The following BABAM2 variants were observed in gnomAD, a reference collection of about 807,000 sequenced individuals.
BABAM2 encodes BRISC and BRCA1-A complex member 2.
Under a neutral mutation model 54.7 loss-of-function variants are expected in BABAM2, and 31 were observed. That is an observed-to-expected ratio of 0.57 (90% CI 0.43 to 0.77). The LOEUF (loss-of-function observed/expected upper bound fraction) is 0.77, where lower values mean the gene tolerates loss of function less well. Ranked by LOEUF, BABAM2 falls within the 30% of genes least tolerant of loss-of-function variation. The probability of loss-of-function intolerance (pLI) is 0.00; values close to 1 mark genes in which losing one functional copy is unlikely to be tolerated. For synonymous variants in BABAM2, 167 were observed against 162.9 expected (o/e 1.03, Z -0.19); for missense variants, 364 against 455.8 (o/e 0.80, Z 1.83).
chr2:28,111,478 C>A (rs1385771572), intron 6 of BABAM2, among the ~76,000 whole-genome samples: 1 of 152,026 alleles, frequency 6.6e-6, no homozygotes, highest in South Asian at 2.1e-4. Context: ...TCTTTTTATG[C>A]AAATAGTTTT....
chr2:28,104,867 T>A (rs1251673253), intron 6 of BABAM2, among the ~76,000 whole-genome samples: 3 of 152,130 alleles, frequency 2.0e-5, no homozygotes, highest in African/African-American at 7.2e-5. Context: ...CCATAAAAAA[T>A]GATGAGTTCA....
intron 11 of BABAM2, among the ~76,000 whole-genome samples, chr2:28,331,642 G>A (rs1690967588): frequency 6.6e-6 from 1 of 152,124 alleles, no homozygotes; most frequent in Admixed American, 6.5e-5. Context: ...AATCAGAATG[G>A]CGATTATTAA....
rs1382495145 is a variant in BABAM2, at chr2:27,912,925, G to A, written c.129-16907G>A. On this transcript the variant is annotated intron_variant, in intron 2 of 11. Coordinates refer to ENST00000379624, the MANE Select transcript of BABAM2 (RefSeq NM_199191.3). ...TAGTAGAGATATCAAAAGAACACTTGGAAAGAAATAAATTAATGTTTGTTA... is the reference window on the plus strand; with the variant it reads ...TAGTAGAGATATCAAAAGAACACTTAGAAAGAAATAAATTAATGTTTGTTA... 2.0e-5 allele frequency among the ~76,000 whole-genome samples: 3 copies of A among 152,068 alleles called. No homozygotes were observed. In the East Asian group the frequency reaches 5.8e-4, roughly 29 times the overall value.
At chr2:28,115,408 C>T (rs1418701362) in intron 6 of BABAM2, among the ~76,000 whole-genome samples, 4 of 151,958 alleles carry the variant, frequency 2.6e-5, no homozygotes, top group Non-Finnish European at 4.4e-5. Context: ...GGGCGGATCA[C>T]GAGGTCAGGA....
intron 7 of BABAM2, among the ~76,000 whole-genome samples, chr2:28,234,429 G>A (rs1417195277): frequency 1.3e-5 from 2 of 151,974 alleles, no homozygotes; most frequent in African/African-American, 4.8e-5. Context: ...ATTTCGGAAT[G>A]ACACAATCCA....
chr2:28,214,342 C>T (rs1482160882), intron 7 of BABAM2, among the ~76,000 whole-genome samples: 1 of 152,044 alleles, frequency 6.6e-6, no homozygotes, highest in South Asian at 2.1e-4. Context: ...TTTTTGAGAG[C>T]AAATAAAAAT....
At chr2:28,113,945 G>A (rs1668365877) in intron 6 of BABAM2, among the ~76,000 whole-genome samples, 1 of 152,160 alleles carries the variant, frequency 6.6e-6, no homozygotes, top group Admixed American at 6.5e-5. Context: ...TTGGCTCCCT[G>A]TTTGCTTATG....
intron 6 of BABAM2, among the ~76,000 whole-genome samples, chr2:28,118,373 C>G (rs1011976039): frequency 6.6e-6 from 1 of 152,190 alleles, no homozygotes; most frequent in African/African-American, 2.4e-5. Context: ...ACAACCTCGC[C>G]AGCATCTGTT....
At chr2:28,073,114 C>A (rs1220612090) in intron 6 of BABAM2, among the ~76,000 whole-genome samples, 2 of 152,220 alleles carry the variant, frequency 1.3e-5, no homozygotes, top group Non-Finnish European at 2.9e-5. Flanking sequence ...CTCTAATCCT[C>A]CCCTTCTCAT....
intron 6 of BABAM2, among the ~76,000 whole-genome samples, chr2:28,108,386 A>T (rs181489115): frequency 1.3e-5 from 2 of 152,230 alleles, no homozygotes; most frequent in African/African-American, 4.8e-5. Context: ...CAATACTTTC[A>T]TCATCATTTA....
At chr2:28,011,294 G>A (rs569478355) in intron 4 of BABAM2, among the ~76,000 whole-genome samples, 14 of 152,278 alleles carry the variant, frequency 9.2e-5, no homozygotes, top group South Asian at 4.1e-4. Context: ...TTAGTATCCC[G>A]TGTATTGTGC....
chr2:28,307,217 G>T (rs1483179131), intron 11 of BABAM2, among the ~76,000 whole-genome samples: 1 of 148,038 alleles, frequency 6.8e-6, no homozygotes, highest in Non-Finnish European at 1.5e-5. Context: ...ATATTGGCCA[G>T]GCTGGTCTCA....
chr2:27,953,342 C>T (rs1260702440), intron 3 of BABAM2, among the ~76,000 whole-genome samples: 1 of 152,036 alleles, frequency 6.6e-6, no homozygotes, highest in Non-Finnish European at 1.5e-5. Context: ...AGCTCCTCGC[C>T]TGGCTAATTT....
chr2:27,948,814 G>T (rs1207373018), intron 3 of BABAM2, among the ~76,000 whole-genome samples: 1 of 152,080 alleles, frequency 6.6e-6, no homozygotes, highest in East Asian at 1.9e-4. Flanking sequence ...TTCTTGCCTT[G>T]TTCCAGATTT....
At chr2:27,950,531 A>G (rs764588696) in intron 3 of BABAM2, among the ~76,000 whole-genome samples, 3 of 152,010 alleles carry the variant, frequency 2.0e-5, no homozygotes, top group African/African-American at 7.2e-5. Flanking sequence ...TCCTTTCTCT[A>G]TATTGTTGGA....
At position 27,971,939 on chromosome 2, in the gene BABAM2, A is replaced by G. The variant is rs578252422; in HGVS notation, c.206-16054A>G. ...CTAAGACTAAAATTTTCTGCAGTAGAATATTTATTGCTCAATAAAGTAATG... is the reference window on the plus strand; with the variant it reads ...CTAAGACTAAAATTTTCTGCAGTAGGATATTTATTGCTCAATAAAGTAATG... On this transcript the variant is annotated intron_variant, in intron 3 of 11. Coordinates refer to ENST00000379624, the MANE Select transcript of BABAM2 (RefSeq NM_199191.3). Among the ~76,000 whole-genome samples the G allele has an allele frequency of 2.6e-5, 4 of 152,302 alleles. No homozygotes were observed. The South Asian group carries it at 8.3e-4, about 32-fold the overall frequency.
At chr2:28,254,352 G>C (rs1472809003) in intron 10 of BABAM2, among the ~76,000 whole-genome samples, 1 of 152,104 alleles carries the variant, frequency 6.6e-6, no homozygotes, top group Non-Finnish European at 1.5e-5. Flanking sequence ...GGCCAGGCTG[G>C]TCTCGAACTC....
chr2:27,971,107 T>C (rs941898146), intron 3 of BABAM2, among the ~76,000 whole-genome samples: 1 of 152,126 alleles, frequency 6.6e-6, no homozygotes, highest in Non-Finnish European at 1.5e-5. Flanking sequence ...AAAGATACCT[T>C]TTCTCAATTA....
intron 7 of BABAM2, among the ~76,000 whole-genome samples, chr2:28,140,606 A>T (rs1670956743): frequency 6.6e-6 from 1 of 152,204 alleles, no homozygotes; most frequent in Non-Finnish European, 1.5e-5. Flanking sequence ...ATTTCATATT[A>T]ATAAATGAAT....
Sources: allele counts gnomAD v4.1 joint callset (sites outside exome capture counted in the v4.1 genomes callset), GRCh38; gene constraint gnomAD v4.1.1; transcripts MANE v1.5; gene names NCBI Gene and HGNC (gene_info 2026-07-23, HGNC 2026-07-21).